DNAH12: variants seen among roughly 807,000 people sequenced by gnomAD.
DNAH12 encodes the protein dynein axonemal heavy chain 12.
DNAH12 carries 285 observed loss-of-function variants against 371.5 expected under a neutral mutation model. The ratio of observed to expected loss-of-function variants is 0.77; its 90% CI spans 0.70 to 0.85. The LOEUF (loss-of-function observed/expected upper bound fraction) is 0.85, where lower values mean the gene tolerates loss of function less well. DNAH12 is among the 40% of genes least tolerant of loss of function. The pLI is 0.00. For synonymous variants in DNAH12, 1,200 were observed against 1,213.0 expected, an observed-to-expected ratio of 0.99 and a Z score of 0.22; for missense variants, 3,611 against 3,689.4, an observed-to-expected ratio of 0.98 and a Z score of 0.55.
intron 73 of DNAH12, among the ~76,000 whole-genome samples, chr3:57,295,066 C>T (rs2061205475): frequency 6.6e-6 from 1 of 152,114 alleles, no homozygotes; most frequent in Non-Finnish European, 1.5e-5. Flanking sequence ...GCAAAATTGG[C>T]CCCCACCCCA....
intron 59 of DNAH12, among the ~76,000 whole-genome samples, chr3:57,352,508 G>A (rs1217785220): frequency 6.6e-6 from 1 of 152,212 alleles, no homozygotes; most frequent in East Asian, 1.9e-4. Flanking sequence ...GCAACTTCTT[G>A]TGAGTCTGTA....
intron 62 of DNAH12, among the ~76,000 whole-genome samples, chr3:57,332,071 C>T (rs1258780150): frequency 6.6e-6 from 1 of 152,176 alleles, no homozygotes; most frequent in African/African-American, 2.4e-5. Context: ...TCGAACTAAG[C>T]CTGAGCTCTC....
At chr3:57,521,407 A>G (rs755492343) in intron 4 of DNAH12, among the ~76,000 whole-genome samples, 1 of 152,104 alleles carries the variant, frequency 6.6e-6, no homozygotes, top group African/African-American at 2.4e-5. Context: ...ATGCTCTTGT[A>G]GTCCCAGCTA....
chr3:57,297,530 A>G (rs1231739181), intron 70 of DNAH12, among the ~76,000 whole-genome samples: 1 of 151,534 alleles, frequency 6.6e-6, no homozygotes, highest in Non-Finnish European at 1.5e-5. Flanking sequence ...TAGTTTTTGT[A>G]TTTCTAGTAG....
chr3:57,519,867 ATC>A (rs2068344584), intron 4 of DNAH12: 1 of 969,894 alleles, frequency 1.0e-6, no homozygotes, highest in African/African-American at 1.6e-5. Context: ...TGGCGCACAT[ATC>A]TCACTCCACG....
rs1211690568 is a variant in DNAH12 at position 57,481,481 on chromosome 3, A to G, written c.1650+1895T>C. Among the ~76,000 whole-genome samples, 18 of 152,132 alleles carry G rather than the reference A, an allele frequency of 1.2e-4. No individual in the cohort carries two copies. The South Asian group carries it at 3.7e-3, about 32-fold the overall frequency. Reference sequence around the variant, plus strand: ...GGGTAGGAAGAATCAATATCGTGAAAATGGCCATACTGCCCAAGGTAATTT... The same window carrying G: ...GGGTAGGAAGAATCAATATCGTGAAGATGGCCATACTGCCCAAGGTAATTT... On this transcript the variant is annotated intron_variant, in intron 13 of 73. Coordinates refer to ENST00000495027, the MANE Select transcript of DNAH12 (RefSeq NM_001366028.2).
chr3:57,483,037 G>A (rs113514079), intron 13 of DNAH12, among the ~76,000 whole-genome samples: 1,785 of 150,016 alleles, frequency 0.012, 22 homozygotes, highest in African/African-American at 0.036. Flanking sequence ...TAACTTGCAC[G>A]TTGTGCACAT....
intron 66 of DNAH12, 123 bp downstream of exon 66, chr3:57,314,371 G>A: frequency 8.2e-7 from 1 of 1,223,474 alleles, no homozygotes; most frequent in Non-Finnish European, 1.1e-6. Flanking sequence ...ATAAGCCATA[G>A]TTATTACCAT....
At chr3:57,383,259 T>C (rs2063433095) in intron 49 of DNAH12, among the ~76,000 whole-genome samples, 1 of 152,172 alleles carries the variant, frequency 6.6e-6, no homozygotes, top group South Asian at 2.1e-4. Context: ...CTACTTATAC[T>C]AAAATCAACT....
intron 71 of DNAH12, 85 bp from the exon 72 acceptor site, chr3:57,296,520 C>G: frequency 9.6e-7 from 1 of 1,047,108 alleles, no homozygotes; most frequent in East Asian, 2.6e-5. Context: ...ATTCAGAACA[C>G]ATTCAGGGAA....
the DNAH12 span, among the ~76,000 whole-genome samples, chr3:57,554,042 T>C: frequency 2.6e-5 from 4 of 151,858 alleles, no homozygotes; most frequent in African/African-American, 9.7e-5. Context: ...GTAGAGATAA[T>C]GAAACCCCGT....
intron 69 of DNAH12, among the ~76,000 whole-genome samples, chr3:57,305,524 A>G (rs1364238650): frequency 1.3e-5 from 2 of 152,134 alleles, no homozygotes; most frequent in African/African-American, 2.4e-5. Flanking sequence ...CTGGAGCTAA[A>G]GACATAGTCA....
intron 5 of DNAH12, 89 bp downstream of exon 5, chr3:57,510,701 A>G: frequency 1.8e-6 from 2 of 1,104,344 alleles, no homozygotes; most frequent in Non-Finnish European, 2.7e-6. Context: ...AGTGTTCATT[A>G]CTCATTTTGC....
intron 40 of DNAH12, among the ~76,000 whole-genome samples, 157 bp downstream of exon 40, chr3:57,408,123 T>A (rs1293732468): frequency 6.6e-6 from 1 of 152,180 alleles, no homozygotes; most frequent in Non-Finnish European, 1.5e-5. Context: ...CAAGTTGGAT[T>A]CCCTCATTTC....
At chr3:57,338,357 G>A (rs933891689) in intron 60 of DNAH12, among the ~76,000 whole-genome samples, 1 of 152,178 alleles carries the variant, frequency 6.6e-6, no homozygotes, top group African/African-American at 2.4e-5. Flanking sequence ...TCTCCGCCCG[G>A]CTGCCCCGTC....
At chr3:57,548,262 C>T (rs1441228480), upstream of DNAH12, among the ~76,000 whole-genome samples, 1 of 152,108 alleles carries the variant, frequency 6.6e-6, no homozygotes, top group East Asian at 1.9e-4. Context: ...GTATAATTTA[C>T]ATATCAAATA....
Position 57,295,553 on chromosome 3 carries a change from G to T in DNAH12, c.11664C>A (p.Asp3888Glu). ...LAEQYPKLLF[D>E]LMPIIWIKPT... Reference sequence around the variant, plus strand: ...GTTTTATCCATATGATGGGCATCAGGTCAAACAGAAGTTTGGGATATTGTT... The same window carrying T: ...GTTTTATCCATATGATGGGCATCAGTTCAAACAGAAGTTTGGGATATTGTT... Residue 3888 changes from aspartate (D) to glutamate (E), a missense_variant, in exon 73 of 74, where the codon GAC (aspartate) becomes GAA (glutamate). Asp to Glu is a conservative substitution (Grantham distance 45). This residue lies in a region of DNAH12 where 2,266 missense variants were observed against 2,236.9 expected (regional missense o/e 1.01). Transcript: ENST00000495027. The T allele has an allele frequency of 2.6e-6, 4 of 1,545,404 alleles. No homozygotes were observed. The South Asian group carries it at 4.8e-5, about 19-fold the overall frequency.
intron 4 of DNAH12, among the ~76,000 whole-genome samples, chr3:57,512,053 ATAGAT>A (rs1251379541): frequency 6.6e-6 from 1 of 152,002 alleles, no homozygotes; most frequent in East Asian, 1.9e-4. Flanking sequence ...GAAACAAGTA[ATAGAT>A]TAATTTTTAC....
At chr3:57,486,239 T>C (rs963553985) in intron 12 of DNAH12, among the ~76,000 whole-genome samples, 2 of 151,640 alleles carry the variant, frequency 1.3e-5, no homozygotes, top group Non-Finnish European at 2.9e-5. Context: ...CCCAAAACTA[T>C]TGAAATTTTA....
Sources: allele counts gnomAD v4.1 joint callset (sites outside exome capture counted in the v4.1 genomes callset), GRCh38; gene constraint gnomAD v4.1.1; regional missense constraint gnomAD v4.1.1; transcripts MANE v1.5; gene names NCBI Gene and HGNC (gene_info 2026-07-23, HGNC 2026-07-21).